The following ASTN2 variants were observed in gnomAD, a reference collection of about 807,000 sequenced individuals.
ASTN2 encodes astrotactin 2.
Under a neutral mutation model 139.8 loss-of-function variants are expected in ASTN2, and 54 were observed. The observed-to-expected ratio is 0.39, with a 90% CI of 0.31 to 0.48. ASTN2 has a LOEUF of 0.48. ASTN2 is among the 20% of genes least tolerant of loss of function. The probability of loss-of-function intolerance (pLI) is 0.95; values close to 1 mark genes in which losing one functional copy is unlikely to be tolerated. For missense variants in ASTN2, 1,565 were observed against 1,725.1 expected, an observed-to-expected ratio of 0.91 and a Z score of 1.64; for synonymous variants, 756 against 719.5, an observed-to-expected ratio of 1.05 and a Z score of -0.81.
chr9:117,119,134 A>C (rs192582443), intron 4 of ASTN2, among the ~76,000 whole-genome samples: 11 of 152,302 alleles, frequency 7.2e-5, no homozygotes, highest in Admixed American at 5.2e-4. Context: ...AATGCACAGA[A>C]AAATTTAAAG....
chr9:117,287,607 T>C (rs761393587), intron 2 of ASTN2, among the ~76,000 whole-genome samples: 39 of 152,284 alleles, frequency 2.6e-4, no homozygotes, highest in Non-Finnish European at 4.1e-4. Flanking sequence ...GTTGTGAGGA[T>C]TGAAAGTGAT....
At chr9:117,182,655 A>G (rs1185797381) in intron 3 of ASTN2, among the ~76,000 whole-genome samples, 1 of 152,116 alleles carries the variant, frequency 6.6e-6, no homozygotes, top group Non-Finnish European at 1.5e-5. Context: ...TGTATAAGCA[A>G]TCACTTTCGG....
chr9:116,842,478 C>T (rs544921349), intron 11 of ASTN2, among the ~76,000 whole-genome samples: 85 of 152,190 alleles, frequency 5.6e-4, no homozygotes, highest in African/African-American at 2.0e-3. Context: ...CCTGGTTCTT[C>T]TCATCCCAGG....
At chr9:116,669,931 C>T (rs566087029) in intron 16 of ASTN2, among the ~76,000 whole-genome samples, 126 of 151,984 alleles carry the variant, frequency 8.3e-4, no homozygotes, top group Middle Eastern at 3.4e-3. Flanking sequence ...CAGCCTCCCA[C>T]GTAGCTGGGA....
chr9:117,323,174 C>G (rs753415877), intron 1 of ASTN2, among the ~76,000 whole-genome samples: 5 of 152,096 alleles, frequency 3.3e-5, no homozygotes, highest in Non-Finnish European at 5.9e-5. Context: ...CACACACACA[C>G]ATATACATAT....
In ASTN2 at chr9:116,997,011, C is replaced by A. The variant is rs187936885; in HGVS notation, c.1591+11081G>T. On this transcript the variant is annotated intron_variant, in intron 7 of 22. Transcript: ENST00000313400. ...GCTGAGCACTTCCCCTTTTTGGTAC[C>A]TATAATCATCAGAAATACCTGAGGC... is the stretch of plus-strand genomic sequence containing the variant. 1.6e-3 allele frequency among the ~76,000 whole-genome samples: 238 copies of A among 152,108 alleles called. 3 individuals carry two copies. In the Middle Eastern group the frequency reaches 0.061, roughly 39 times the overall value.
At chr9:117,312,220 G>A (rs528490591) in intron 1 of ASTN2, among the ~76,000 whole-genome samples, 5 of 152,298 alleles carry the variant, frequency 3.3e-5, no homozygotes, top group African/African-American at 1.2e-4. Context: ...GTGGGAAAAT[G>A]CACCTATGCT....
chr9:117,150,700 G>A (rs1004819883), intron 3 of ASTN2, among the ~76,000 whole-genome samples: 8 of 152,106 alleles, frequency 5.3e-5, no homozygotes, highest in Admixed American at 1.3e-4. Flanking sequence ...TACAGAGTAA[G>A]CACATTTTTT....
At chr9:117,308,579 C>T (rs1342558068) in intron 1 of ASTN2, among the ~76,000 whole-genome samples, 2 of 152,130 alleles carry the variant, frequency 1.3e-5, no homozygotes, top group African/African-American at 2.4e-5. Flanking sequence ...GTTTCACTCC[C>T]TGGAAGAGGC....
intron 5 of ASTN2, among the ~76,000 whole-genome samples, chr9:117,048,622 CA>C (rs1315657285): frequency 6.6e-6 from 1 of 152,148 alleles, no homozygotes; most frequent in African/African-American, 2.4e-5. Context: ...AAGGTCACTA[CA>C]AGGTGTTGAC....
intron 4 of ASTN2, among the ~76,000 whole-genome samples, chr9:117,130,175 G>A (rs1405770826): frequency 1.3e-5 from 2 of 152,050 alleles, no homozygotes; most frequent in Non-Finnish European, 2.9e-5. Flanking sequence ...TGGGCATAGT[G>A]GCATGCACTT....
chr9:116,952,292 T>C (rs761751750), intron 10 of ASTN2, among the ~76,000 whole-genome samples: 8 of 152,194 alleles, frequency 5.3e-5, no homozygotes, highest in Admixed American at 2.6e-4. Flanking sequence ...TCATTCCTAT[T>C]GGGCTCGCAT....
chr9:117,242,503 A>G (rs1833246268), intron 2 of ASTN2, among the ~76,000 whole-genome samples: 1 of 152,184 alleles, frequency 6.6e-6, no homozygotes. Flanking sequence ...TTTATCATCC[A>G]CTGTTAGAAG....
At chr9:117,368,906 T>C (rs930189311) in intron 1 of ASTN2, among the ~76,000 whole-genome samples, 2 of 152,170 alleles carry the variant, frequency 1.3e-5, no homozygotes, top group Non-Finnish European at 2.9e-5. Flanking sequence ...TGAACCTTGA[T>C]TGCAGGTGTT....
At chr9:117,011,059 A>T (rs1351858602) in intron 6 of ASTN2, among the ~76,000 whole-genome samples, 1 of 152,194 alleles carries the variant, frequency 6.6e-6, no homozygotes, top group South Asian at 2.1e-4. Context: ...TGAGTGCAGC[A>T]TCATGATGTC....
intron 3 of ASTN2, among the ~76,000 whole-genome samples, chr9:117,165,683 ATT>A (rs1367968896): frequency 6.6e-6 from 1 of 152,076 alleles, no homozygotes; most frequent in Non-Finnish European, 1.5e-5. Flanking sequence ...CACTATAGAT[ATT>A]TAAAATTCCA....
chr9:116,611,608 A>G (rs1210082938), intron 19 of ASTN2: 3 of 152,144 alleles, frequency 2.0e-5, no homozygotes, highest in African/African-American at 7.2e-5. Context: ...AAGAATAGTA[A>G]CGGAATGTCA....
At chr9:116,521,018 A>G (rs903545419) in intron 19 of ASTN2, among the ~76,000 whole-genome samples, 1 of 152,130 alleles carries the variant, frequency 6.6e-6, no homozygotes. Flanking sequence ...GACACACCCA[A>G]ATGAATATAT....
chr9:116,523,362 G>A (rs1850960588), intron 19 of ASTN2, among the ~76,000 whole-genome samples: 1 of 152,126 alleles, frequency 6.6e-6, no homozygotes. Flanking sequence ...AGGAAAGACA[G>A]TAAGAAAAAC....
Sources: allele counts gnomAD v4.1 joint callset (sites outside exome capture counted in the v4.1 genomes callset), GRCh38; gene constraint gnomAD v4.1.1; transcripts MANE v1.5; gene names NCBI Gene and HGNC (gene_info 2026-07-23, HGNC 2026-07-21).